The following IL1RAPL2 variants were observed in gnomAD, a reference collection of about 807,000 sequenced individuals.
IL1RAPL2 encodes the protein interleukin 1 receptor accessory protein like 2, also known as X-linked interleukin-1 receptor accessory protein-like 2.
Under a neutral mutation model 44.1 loss-of-function variants are expected in IL1RAPL2, and 3 were observed. That is an observed-to-expected ratio of 0.07 (90% CI 0.03 to 0.18). IL1RAPL2 has a LOEUF of 0.18. Among genes scored for constraint, IL1RAPL2 ranks in the 10% least tolerant of loss-of-function variants. The pLI is 1.00. For missense variants in IL1RAPL2, 391 were observed against 496.4 expected, an observed-to-expected ratio of 0.79 and a Z score of 2.02; for synonymous variants, 181 against 178.8, an observed-to-expected ratio of 1.01 and a Z score of -0.10.
intron 2 of IL1RAPL2, among the ~76,000 whole-genome samples, chrX:104,801,151 T>C (rs1262084468): frequency 8.9e-6 from 1 of 112,708 alleles, no homozygotes; most frequent in Non-Finnish European, 1.9e-5. Context: ...CTAATTGCAT[T>C]ATTCAGTCAA....
chrX:105,213,589 C>T (rs1307431500), intron 3 of IL1RAPL2, among the ~76,000 whole-genome samples: 4 of 110,893 alleles, frequency 3.6e-5, no homozygotes, highest in Non-Finnish European at 5.7e-5. Context: ...CCCAACCTAG[C>T]AAGACAGGCC....
chrX:104,944,894 A>C (rs1221111799), intron 2 of IL1RAPL2, among the ~76,000 whole-genome samples: 1 of 111,692 alleles, frequency 9.0e-6, no homozygotes, highest in African/African-American at 3.2e-5. Flanking sequence ...GCTACTAACT[A>C]ACTTTGTGGC....
chrX:104,658,855 C>G, intron 1 of IL1RAPL2, 40 bp from the exon 2 acceptor site: 1 of 915,473 alleles, frequency 1.1e-6, no homozygotes, highest in Non-Finnish European at 1.6e-6. Flanking sequence ...AGGCCAAGAT[C>G]TGTGGTTCAA....
intron 3 of IL1RAPL2, among the ~76,000 whole-genome samples, chrX:105,198,229 G>C: frequency 9.0e-6 from 1 of 111,393 alleles, no homozygotes; most frequent in African/African-American, 3.3e-5. Flanking sequence ...GTGTCTTTAT[G>C]GTATAATGAT....
At chrX:104,694,443 A>G (rs1176300400) in intron 2 of IL1RAPL2, among the ~76,000 whole-genome samples, 1 of 112,079 alleles carries the variant, frequency 8.9e-6, no homozygotes, top group Non-Finnish European at 1.9e-5. Flanking sequence ...GTATTTTGCC[A>G]TTCTCTATTG....
chrX:105,072,815 G>C (rs1360430639), intron 2 of IL1RAPL2, among the ~76,000 whole-genome samples: 1 of 109,458 alleles, frequency 9.1e-6, no homozygotes, highest in Non-Finnish European at 1.9e-5. Context: ...ACAGGCCCTG[G>C]TGTGTGATGT....
At chrX:104,606,257 C>T (rs1929007714) in intron 1 of IL1RAPL2, among the ~76,000 whole-genome samples, 1 of 111,628 alleles carries the variant, frequency 9.0e-6, no homozygotes, top group Non-Finnish European at 1.9e-5. Flanking sequence ...AGGCCTTCAA[C>T]AAAATTCAAC....
chrX:104,637,255 G>C (rs1158558451), intron 1 of IL1RAPL2, among the ~76,000 whole-genome samples: 1 of 110,682 alleles, frequency 9.0e-6, no homozygotes, highest in Non-Finnish European at 1.9e-5. Context: ...CTAGATCATG[G>C]CATCAGAAAA....
At chrX:105,764,120 G>A (rs1488808582) in intron 10 of IL1RAPL2, among the ~76,000 whole-genome samples, 3 of 111,527 alleles carry the variant, frequency 2.7e-5, no homozygotes, top group Non-Finnish European at 5.6e-5. Flanking sequence ...AGCCAGTAGA[G>A]TATGCAGGAG....
At chrX:104,660,947 T>TATATATAC in intron 2 of IL1RAPL2, among the ~76,000 whole-genome samples, 1 of 92,325 alleles carries the variant, frequency 1.1e-5, no homozygotes, top group African/African-American at 5.1e-5. Context: ...TATATATATA[T>TATATATAC]ACACACACAC....
intron 2 of IL1RAPL2, among the ~76,000 whole-genome samples, chrX:104,817,155 C>G (rs1436765511): frequency 8.9e-6 from 1 of 112,638 alleles, no homozygotes; most frequent in Non-Finnish European, 1.9e-5. Context: ...TGTCTAGATT[C>G]TTCTTGGCCT....
At chrX:104,633,653 T>A (rs1929713181) in intron 1 of IL1RAPL2, among the ~76,000 whole-genome samples, 1 of 112,037 alleles carries the variant, frequency 8.9e-6, no homozygotes, top group Non-Finnish European at 1.9e-5. Flanking sequence ...TATTCTCTGA[T>A]GGTAGCTTGT....
At chrX:105,137,056 A>AAT (rs1432883742) in intron 2 of IL1RAPL2, among the ~76,000 whole-genome samples, 1 of 111,433 alleles carries the variant, frequency 9.0e-6, no homozygotes, top group Non-Finnish European at 1.9e-5. Context: ...CTGATGGGAG[A>AAT]ATGAAGACTT....
intron 6 of IL1RAPL2, among the ~76,000 whole-genome samples, chrX:105,607,391 T>G (rs1251451107): frequency 1.8e-5 from 2 of 108,639 alleles, no homozygotes; most frequent in Non-Finnish European, 3.8e-5. Flanking sequence ...AATGGTCAAT[T>G]GTATCAGCAT....
chrX:104,914,290 T>A (rs1295687834), intron 2 of IL1RAPL2, among the ~76,000 whole-genome samples: 1 of 111,686 alleles, frequency 9.0e-6, no homozygotes, highest in Non-Finnish European at 1.9e-5. Flanking sequence ...TTAGAAAGGG[T>A]TACGCAGAAG....
chrX:104,802,791 CT>C (rs1358099821), intron 2 of IL1RAPL2, among the ~76,000 whole-genome samples: 2 of 111,450 alleles, frequency 1.8e-5, no homozygotes, highest in Non-Finnish European at 3.8e-5. Flanking sequence ...AAAAGTTTGA[CT>C]TTACAGTCAC....
intron 2 of IL1RAPL2, among the ~76,000 whole-genome samples, chrX:105,115,813 C>T (rs1282299513): frequency 6.2e-5 from 7 of 112,816 alleles, no homozygotes; most frequent in African/African-American, 1.6e-4. Flanking sequence ...GGCGCTCGTC[C>T]GGGAGGCTCG....
At chrX:105,632,982 G>T (rs754411952) in intron 6 of IL1RAPL2, among the ~76,000 whole-genome samples, 6 of 111,778 alleles carry the variant, frequency 5.4e-5, no homozygotes, top group Admixed American at 9.5e-5. Context: ...TAGTGCTCAT[G>T]TGTGAAGGTA....
chrX:104,916,320 T>C (rs969495683), intron 2 of IL1RAPL2, among the ~76,000 whole-genome samples: 2 of 111,806 alleles, frequency 1.8e-5, no homozygotes, highest in African/African-American at 6.5e-5. Context: ...TATTTTATTC[T>C]CTTTGAAGCA....
Sources: gnomAD v4.1 joint callset for allele counts (sites outside exome capture counted in the v4.1 genomes callset) on GRCh38, gnomAD v4.1.1 for gene constraint, MANE v1.5 for transcripts, NCBI Gene and HGNC (gene_info 2026-07-23, HGNC 2026-07-21) for gene names.